The following NOL4 variants were observed in gnomAD, a reference collection of about 807,000 sequenced individuals.
NOL4 encodes nucleolar protein 4, also known as cancer/testis antigen 125.
In NOL4, 17 loss-of-function variants were observed where a neutral mutation model predicts 75.9. The observed-to-expected ratio is 0.22, with a 90% CI of 0.15 to 0.34. The LOEUF (loss-of-function observed/expected upper bound fraction) is 0.34, where lower values mean the gene tolerates loss of function less well. NOL4 is among the 10% of genes least tolerant of loss of function. The pLI is 1.00. For synonymous variants in NOL4, 292 were observed against 289.9 expected (o/e 1.01, Z -0.07); for missense variants, 614 against 793.5 (o/e 0.77, Z 2.72).
At chr18:34,195,342 T>C (rs909526282) in intron 1 of NOL4, among the ~76,000 whole-genome samples, 13 of 152,192 alleles carry the variant, frequency 8.5e-5, no homozygotes, top group Admixed American at 7.9e-4. Flanking sequence ...GATATTACTA[T>C]TGACAATTGG....
chr18:34,136,407 T>C (rs2080893691), intron 1 of NOL4, among the ~76,000 whole-genome samples: 1 of 152,146 alleles, frequency 6.6e-6, no homozygotes, highest in African/African-American at 2.4e-5. Context: ...AATATCTTTG[T>C]AGATGCTTTG....
At chr18:33,920,343 T>A (rs2066960666) in intron 9 of NOL4, among the ~76,000 whole-genome samples, 1 of 152,240 alleles carries the variant, frequency 6.6e-6, no homozygotes, top group Non-Finnish European at 1.5e-5. Context: ...GTAAGTAGTT[T>A]TCCCTCACTT....
chr18:34,081,515 G>A (rs2078011416), intron 5 of NOL4, among the ~76,000 whole-genome samples: 1 of 152,038 alleles, frequency 6.6e-6, no homozygotes, highest in African/African-American at 2.4e-5. Flanking sequence ...GTAGGAAAAT[G>A]GCACTCTTCA....
intron 8 of NOL4, among the ~76,000 whole-genome samples, chr18:33,949,520 C>G (rs1042721918): frequency 3.3e-5 from 5 of 151,924 alleles, no homozygotes; most frequent in African/African-American, 1.2e-4. Flanking sequence ...AAACAGGTAG[C>G]AAGAAGTTGT....
At chr18:34,189,629 T>C (rs1314705049) in intron 1 of NOL4, among the ~76,000 whole-genome samples, 1 of 152,190 alleles carries the variant, frequency 6.6e-6, no homozygotes, top group East Asian at 1.9e-4. Flanking sequence ...TTCCATTATA[T>C]GTAATAATAC....
chr18:33,919,836 A>C (rs2066926482), intron 9 of NOL4, among the ~76,000 whole-genome samples: 1 of 152,236 alleles, frequency 6.6e-6, no homozygotes, highest in African/African-American at 2.4e-5. Flanking sequence ...TTTGCATCTT[A>C]AACTGAATAA....
intron 1 of NOL4, among the ~76,000 whole-genome samples, chr18:34,177,666 A>G (rs904023266): frequency 6.6e-6 from 1 of 151,974 alleles, no homozygotes; most frequent in African/African-American, 2.4e-5. Flanking sequence ...AGAAATTAGG[A>G]AGGCCAAAGC....
At chr18:33,942,356 T>C (rs1260830964) in intron 9 of NOL4, among the ~76,000 whole-genome samples, 5 of 151,644 alleles carry the variant, frequency 3.3e-5, no homozygotes, top group Admixed American at 2.0e-4. Flanking sequence ...AGGGGGTACA[T>C]ACAACAAAGA....
At chr18:33,873,641 C>T (rs2063798164) in intron 10 of NOL4, among the ~76,000 whole-genome samples, 1 of 151,934 alleles carries the variant, frequency 6.6e-6, no homozygotes, top group African/African-American at 2.4e-5. Context: ...GTCAAGATCC[C>T]TTAAGAGGCA....
At chr18:33,950,734 G>T (rs1237774099) in intron 8 of NOL4, among the ~76,000 whole-genome samples, 1 of 152,148 alleles carries the variant, frequency 6.6e-6, no homozygotes, top group African/African-American at 2.4e-5. Flanking sequence ...GAGATTTGAG[G>T]CTGCTGTTAG....
chr18:34,025,745 T>G (rs1374527248), intron 5 of NOL4, among the ~76,000 whole-genome samples: 5 of 152,168 alleles, frequency 3.3e-5, no homozygotes, highest in Non-Finnish European at 7.3e-5. Flanking sequence ...TTTCTCTTGG[T>G]ATTTTCAGCC....
intron 7 of NOL4, 56 bp downstream of exon 7, chr18:33,958,183 A>C: frequency 7.0e-7 from 1 of 1,422,398 alleles, no homozygotes; most frequent in Non-Finnish European, 9.6e-7. Context: ...AACAAGCAAC[A>C]ACATGAAAGT....
At chr18:33,928,504 G>C (rs752381146) in intron 9 of NOL4, among the ~76,000 whole-genome samples, 1 of 151,888 alleles carries the variant, frequency 6.6e-6, no homozygotes, top group African/African-American at 2.4e-5. Flanking sequence ...TCACTCAGAA[G>C]AAATAAAGTT....
At chr18:34,037,669 C>A (rs1441617905) in intron 5 of NOL4, among the ~76,000 whole-genome samples, 1 of 152,042 alleles carries the variant, frequency 6.6e-6, no homozygotes, top group East Asian at 1.9e-4. Context: ...GGAAAGGACA[C>A]CCTCTTCGAT....
At chr18:33,898,680 GAAT>G (rs1318810787) in intron 9 of NOL4, among the ~76,000 whole-genome samples, 20 of 152,206 alleles carry the variant, frequency 1.3e-4, no homozygotes, top group Non-Finnish European at 2.5e-4. Flanking sequence ...TCTCTCATTT[GAAT>G]TATTGTGATA....
At chr18:33,901,966 A>T (rs937023658) in intron 9 of NOL4, among the ~76,000 whole-genome samples, 3 of 152,084 alleles carry the variant, frequency 2.0e-5, no homozygotes, top group Admixed American at 2.0e-4. Flanking sequence ...GCTTAAAAAG[A>T]GAATAATTGT....
In NOL4 at chr18:33,852,111, A is replaced by G. The variant is rs1317097616; in HGVS notation, c.*731T>C. On this transcript the variant is annotated 3_prime_UTR_variant, in exon 11 of 11. Coordinates refer to ENST00000261592, the MANE Select transcript of NOL4 (RefSeq NM_003787.5). The stretch of plus-strand genomic sequence containing the variant: ...GTGGGGTTTTTGAGATCAGCATGAG[A>G]GCAGAAATGCAGGCTTCTCTTGGAA... 6.6e-6 allele frequency: 1 copy of G among 152,484 alleles called. No individual in the cohort carries two copies. The highest frequency in any genetic ancestry group is 2.4e-5 in the African/African-American group (1 of 41,412). 9.4% of individuals were successfully genotyped at this position (152,484 alleles called of 1,614,324 possible).
At chr18:33,964,884 A>T (rs907025830) in intron 6 of NOL4, among the ~76,000 whole-genome samples, 5 of 152,218 alleles carry the variant, frequency 3.3e-5, no homozygotes, top group African/African-American at 9.6e-5. Flanking sequence ...TTGGTTTTGC[A>T]ACAATTTACT....
intron 1 of NOL4, among the ~76,000 whole-genome samples, chr18:34,194,137 C>T (rs1295604375): frequency 6.6e-6 from 1 of 151,932 alleles, no homozygotes; most frequent in East Asian, 1.9e-4. Context: ...GGAATAATTT[C>T]AAAATATAGA....
Sources: allele counts gnomAD v4.1 joint callset (sites outside exome capture counted in the v4.1 genomes callset), GRCh38; gene constraint gnomAD v4.1.1; transcripts MANE v1.5; gene names NCBI Gene and HGNC (gene_info 2026-07-23, HGNC 2026-07-21).